HEMK2: variants seen among roughly 807,000 people sequenced by gnomAD.
The protein encoded by HEMK2 is methyltransferase HEMK2.
At chr21:28,699,904 T>C in the HEMK2 span, among the ~76,000 whole-genome samples, 1 of 152,224 alleles carries the variant, frequency 6.6e-6, no homozygotes, top group Non-Finnish European at 1.5e-5. Context: ...AATTTTACAA[T>C]TAAATCACTA....
chr21:28,663,026 CT>C, the HEMK2 span, among the ~76,000 whole-genome samples: 1 of 152,102 alleles, frequency 6.6e-6, no homozygotes. Flanking sequence ...TTTCTTAGAT[CT>C]TTGTTTCAAC....
chr21:28,869,080 C>T, the HEMK2 span, among the ~76,000 whole-genome samples: 2 of 151,926 alleles, frequency 1.3e-5, no homozygotes, highest in South Asian at 2.1e-4. Flanking sequence ...ATAGGGAATG[C>T]TTCCAGTATT....
At chr21:28,722,817 G>T in the HEMK2 span, among the ~76,000 whole-genome samples, 1 of 152,212 alleles carries the variant, frequency 6.6e-6, no homozygotes, top group East Asian at 1.9e-4. Flanking sequence ...CCAGAAGGCG[G>T]AGGTTGTGGT....
the HEMK2 span, among the ~76,000 whole-genome samples, chr21:28,845,400 A>G: frequency 6.6e-6 from 1 of 152,020 alleles, no homozygotes; most frequent in Non-Finnish European, 1.5e-5. Flanking sequence ...ATATTTTCTT[A>G]GCTATTCTGA....
At chr21:28,882,908 C>G in the HEMK2 span, 1 of 990,682 alleles carries the variant, frequency 1.0e-6, no homozygotes, top group East Asian at 2.6e-5. Context: ...TACATACTGT[C>G]TCTTTAAAAA....
At chr21:28,810,858 A>T in the HEMK2 span, among the ~76,000 whole-genome samples, 1 of 152,104 alleles carries the variant, frequency 6.6e-6, no homozygotes, top group African/African-American at 2.4e-5. Context: ...CTGCTCCCCA[A>T]TGGAAACCAG....
the HEMK2 span, among the ~76,000 whole-genome samples, chr21:28,877,259 GGGAAGGAAGGAAGGAA>G: frequency 2.6e-4 from 20 of 76,256 alleles, 1 homozygote; most frequent in Admixed American, 7.5e-4. Context: ...GGGAAGAGAA[GGGAAGGAAGGAAGGAA>G]GGAAGGAAGG....
chr21:28,864,279 G>C, the HEMK2 span, among the ~76,000 whole-genome samples: 1 of 152,208 alleles, frequency 6.6e-6, no homozygotes, highest in Non-Finnish European at 1.5e-5. Context: ...AGATGAGAGA[G>C]AGAGAGCTAT....
At chr21:28,632,112 C>T in the HEMK2 span, among the ~76,000 whole-genome samples, 22 of 152,284 alleles carry the variant, frequency 1.4e-4, no homozygotes, top group African/African-American at 5.1e-4. Flanking sequence ...TTTGTTAAAA[C>T]AATGAGTGAG....
At chr21:28,661,389 T>C in the HEMK2 span, among the ~76,000 whole-genome samples, 1 of 152,102 alleles carries the variant, frequency 6.6e-6, no homozygotes, top group East Asian at 1.9e-4. Flanking sequence ...ATTTATGCAA[T>C]ATTTCACTAT....
chr21:28,839,000 T>TATATATATATATATATAC, the HEMK2 span, among the ~76,000 whole-genome samples: 106 of 57,886 alleles, frequency 1.8e-3, 2 homozygotes, highest in Non-Finnish European at 2.8e-3. Flanking sequence ...TATATATATA[T>TATATATATATATATATAC]ACATATATAT....
At chr21:28,883,850 A>G in the HEMK2 span, among the ~76,000 whole-genome samples, 1 of 152,124 alleles carries the variant, frequency 6.6e-6, no homozygotes, top group East Asian at 1.9e-4. Context: ...CAGCCTCCCA[A>G]GTAGTTAGGA....
the HEMK2 span, among the ~76,000 whole-genome samples, chr21:28,673,119 G>C: frequency 6.8e-6 from 1 of 146,782 alleles, no homozygotes; most frequent in Non-Finnish European, 1.5e-5. Context: ...AGGAAGCAAA[G>C]AAGGAAGGAG....
chr21:28,846,137 T>C, the HEMK2 span, among the ~76,000 whole-genome samples: 2 of 152,202 alleles, frequency 1.3e-5, no homozygotes, highest in South Asian at 4.1e-4. Flanking sequence ...TTATTCTTTT[T>C]TATGGCCGCA....
the HEMK2 span, among the ~76,000 whole-genome samples, chr21:28,839,130 A>G: frequency 6.6e-6 from 1 of 151,390 alleles, no homozygotes; most frequent in Admixed American, 6.6e-5. Context: ...TCACATGATC[A>G]TTTCAATAGA....
At chr21:28,863,451 TATATATATATATATATATAC>T in the HEMK2 span, among the ~76,000 whole-genome samples, 5 of 95,050 alleles carry the variant, frequency 5.3e-5, no homozygotes, top group Admixed American at 1.1e-4. Flanking sequence ...TATATATATA[TATATATATATATATATATAC>T]TTCATTAGTT....
chr21:28,665,112 T>G, the HEMK2 span, among the ~76,000 whole-genome samples: 1 of 145,136 alleles, frequency 6.9e-6, no homozygotes, highest in African/African-American at 2.6e-5. Flanking sequence ...TCCTCATTTC[T>G]ACTAAACATA....
At chr21:28,813,312 TCAAA>T in the HEMK2 span, among the ~76,000 whole-genome samples, 1 of 152,020 alleles carries the variant, frequency 6.6e-6, no homozygotes, top group East Asian at 1.9e-4. Flanking sequence ...CCAATAATAG[TCAAA>T]CAGAGAGTAA....
chr21:28,674,092 C>G, the HEMK2 span, among the ~76,000 whole-genome samples: 12 of 152,078 alleles, frequency 7.9e-5, no homozygotes, highest in Admixed American at 7.9e-4. Flanking sequence ...GTAAAGAAGC[C>G]GGCCAAAACC....
Sources: allele counts gnomAD v4.1 joint callset (sites outside exome capture counted in the v4.1 genomes callset), GRCh38; gene constraint gnomAD v4.1.1; transcripts MANE v1.5; gene names NCBI Gene and HGNC (gene_info 2026-07-23, HGNC 2026-07-21).